The following ABCB1 variants were observed in gnomAD, a reference collection of about 807,000 sequenced individuals.
ABCB1 encodes the protein ATP binding cassette subfamily B member 1.
ABCB1 carries 69 observed loss-of-function variants against 142.0 expected under a neutral mutation model. That is an observed-to-expected ratio of 0.49 (90% CI 0.40 to 0.59). ABCB1 has a LOEUF of 0.59. ABCB1 is among the 20% of genes least tolerant of loss of function. ABCB1 has a pLI of 0.00. For synonymous variants in ABCB1, 532 were observed against 539.2 expected (o/e 0.99, Z 0.18); for missense variants, 1,326 against 1,554.7 (o/e 0.85, Z 2.47).
intron 1 of ABCB1, among the ~76,000 whole-genome samples, chr7:87,705,113 C>T (rs1050140731): frequency 6.6e-6 from 1 of 152,106 alleles, no homozygotes; most frequent in African/African-American, 2.4e-5. Flanking sequence ...CATGGACAAT[C>T]TCATACTTTT....
intron 1 of ABCB1, among the ~76,000 whole-genome samples, chr7:87,654,524 C>A (rs898156487): frequency 6.6e-6 from 1 of 152,018 alleles, no homozygotes; most frequent in African/African-American, 2.4e-5. Context: ...AACTGGTTAG[C>A]CACATGTAGA....
chr7:87,652,357 C>A (rs901016341), intron 1 of ABCB1, among the ~76,000 whole-genome samples: 3 of 151,988 alleles, frequency 2.0e-5, no homozygotes, highest in African/African-American at 7.2e-5. Flanking sequence ...ATGCCTCCTG[C>A]GCACTAATCT....
intron 21 of ABCB1, among the ~76,000 whole-genome samples, chr7:87,528,991 C>G (rs988654500): frequency 6.6e-6 from 1 of 152,164 alleles, no homozygotes; most frequent in Non-Finnish European, 1.5e-5. Flanking sequence ...TTAGATCATA[C>G]AGAGTTTGGT....
At chr7:87,570,534 A>G (rs1470457623) in intron 4 of ABCB1, among the ~76,000 whole-genome samples, 1 of 152,202 alleles carries the variant, frequency 6.6e-6, no homozygotes, top group African/African-American at 2.4e-5. Context: ...TCACTCCAAG[A>G]TCCCACTAAA....
chr7:87,596,185 T>G (rs934341126), intron 2 of ABCB1, among the ~76,000 whole-genome samples: 1 of 152,068 alleles, frequency 6.6e-6, no homozygotes, highest in African/African-American at 2.4e-5. Flanking sequence ...TCATTCATGC[T>G]TCCCCTTAAT....
intron 21 of ABCB1, among the ~76,000 whole-genome samples, chr7:87,525,740 A>G (rs1056205506): frequency 6.6e-6 from 1 of 152,088 alleles, no homozygotes; most frequent in Non-Finnish European, 1.5e-5. Context: ...TTGCTGTCTC[A>G]GGGGTGGCAG....
chr7:87,689,650 A>G (rs1003740449), intron 1 of ABCB1, among the ~76,000 whole-genome samples: 4 of 152,190 alleles, frequency 2.6e-5, no homozygotes, highest in Admixed American at 1.3e-4. Context: ...GGGAAAGATT[A>G]CACAATTTAG....
chr7:87,617,065 T>C (rs183079192), intron 1 of ABCB1, among the ~76,000 whole-genome samples: 9 of 152,306 alleles, frequency 5.9e-5, no homozygotes, highest in African/African-American at 1.7e-4. Context: ...ATGTAGCCCA[T>C]GAAATTAGAG....
chr7:87,655,224 A>G (rs566937412), intron 1 of ABCB1, among the ~76,000 whole-genome samples: 1 of 152,286 alleles, frequency 6.6e-6, no homozygotes, highest in East Asian at 1.9e-4. Context: ...TTGTAGGTAC[A>G]TAGCCAAGGA....
chr7:87,689,865 T>C (rs1827852018), intron 1 of ABCB1, among the ~76,000 whole-genome samples: 1 of 152,212 alleles, frequency 6.6e-6, no homozygotes, highest in South Asian at 2.1e-4. Context: ...TTTGTTCTAA[T>C]ATGTAGCCTA....
chr7:87,505,889 A>G lies in ABCB1; in HGVS notation c.3636+8T>C, dbSNP rs780099939. Reference sequence around the variant, plus strand: ...TCAAGTATGGATGAACCCAATTTAAATTCTTACCTTTTCACTTTCTGTATC... The same window carrying G: ...TCAAGTATGGATGAACCCAATTTAAGTTCTTACCTTTTCACTTTCTGTATC... On this transcript the variant is annotated splice_region_variant and intron_variant, in intron 27 of 27. Coordinates refer to ENST00000622132, the MANE Select transcript of ABCB1 (RefSeq NM_001348946.2). 23 of 1,614,026 alleles carry G rather than the reference A, an allele frequency of 1.4e-5. 1 individual carries two copies. The South Asian group carries it at 2.4e-4, about 17-fold the overall frequency.
chr7:87,700,673 A>G, intron 1 of ABCB1: 1 of 897,940 alleles, frequency 1.1e-6, no homozygotes, highest in East Asian at 2.4e-5. Context: ...ATAATAAAAT[A>G]CGTCCTGTTC....
At chr7:87,541,537 T>C (rs1816537493) in intron 17 of ABCB1, 73 bp from the exon 18 acceptor site, 5 of 1,048,542 alleles carry the variant, frequency 4.8e-6, no homozygotes, top group Admixed American at 3.4e-5. Context: ...CCATTTCCCA[T>C]CTGGCCCAGT....
At chr7:87,593,170 G>T (rs1819065226) in intron 3 of ABCB1, among the ~76,000 whole-genome samples, 1 of 152,068 alleles carries the variant, frequency 6.6e-6, no homozygotes, top group South Asian at 2.1e-4. Context: ...CTAGTGATCT[G>T]CCCACCTTAG....
At chr7:87,681,727 A>G (rs1307258868) in intron 1 of ABCB1, among the ~76,000 whole-genome samples, 1 of 151,712 alleles carries the variant, frequency 6.6e-6, no homozygotes, top group Non-Finnish European at 1.5e-5. Flanking sequence ...TTAAGACAAC[A>G]ATGGGCTGGG....
chr7:87,682,195 T>A (rs904622142), intron 1 of ABCB1, among the ~76,000 whole-genome samples: 1 of 152,240 alleles, frequency 6.6e-6, no homozygotes, highest in African/African-American at 2.4e-5. Context: ...CTACTTCTAG[T>A]TCTCTTGCGA....
chr7:87,650,527 C>T (rs1823471213), intron 1 of ABCB1, among the ~76,000 whole-genome samples: 3 of 152,080 alleles, frequency 2.0e-5, no homozygotes, highest in Admixed American at 1.3e-4. Flanking sequence ...ATCCAATCAC[C>T]TCCCAAAGGC....
chr7:87,629,858 G>A (rs1339046842), intron 1 of ABCB1, among the ~76,000 whole-genome samples: 2 of 151,518 alleles, frequency 1.3e-5, no homozygotes, highest in Non-Finnish European at 2.9e-5. Context: ...CCTGGGAGGC[G>A]GTTGCAATGA....
At chr7:87,676,068 A>T (rs1826322691) in intron 1 of ABCB1, among the ~76,000 whole-genome samples, 1 of 151,956 alleles carries the variant, frequency 6.6e-6, no homozygotes, top group Non-Finnish European at 1.5e-5. Context: ...CTCTACAAAA[A>T]GTTAAAAAAT....
Sources: allele counts gnomAD v4.1 joint callset (sites outside exome capture counted in the v4.1 genomes callset), GRCh38; gene constraint gnomAD v4.1.1; transcripts MANE v1.5; gene names NCBI Gene and HGNC (gene_info 2026-07-23, HGNC 2026-07-21).